Variants in CPEB1 observed in about 807,000 individuals in gnomAD.
CPEB1 encodes the protein cytoplasmic polyadenylation element binding protein 1.
Under a neutral mutation model 65.8 loss-of-function variants are expected in CPEB1, and 7 were observed. The observed-to-expected ratio is 0.11, with a 90% CI of 0.06 to 0.20. CPEB1 has a LOEUF of 0.20. CPEB1 is among the 10% of genes least tolerant of loss of function. CPEB1 has a pLI of 1.00. For synonymous variants in CPEB1, 262 were observed against 260.0 expected, an observed-to-expected ratio of 1.01 and a Z score of -0.08; for missense variants, 551 against 712.2, an observed-to-expected ratio of 0.77 and a Z score of 2.58.
At chr15:82,572,817 A>T (rs967179215) in intron 3 of CPEB1, among the ~76,000 whole-genome samples, 1 of 152,150 alleles carries the variant, frequency 6.6e-6, no homozygotes, top group African/African-American at 2.4e-5. Context: ...CACAAGACCA[A>T]TGCTTATTTC....
In CPEB1 at chr15:82,624,924, A is replaced by C. The variant is rs972532459; in HGVS notation, c.271+2269T>G. 4.2e-4 allele frequency among the ~76,000 whole-genome samples: 64 copies of C among 151,580 alleles called. 2 individuals carry two copies. The highest frequency in any genetic ancestry group is 3.8e-3 in the Admixed American group (57 of 15,196). ...ACAACCACAGTTCACCGCAGTCTCG[A>C]CCTCCCAGGCTCAAGTGATCCTCCC... On this transcript the variant is annotated intron_variant, in intron 3 of 12. Transcript: ENST00000684509.
intron 11 of CPEB1, among the ~76,000 whole-genome samples, 177 bp downstream of exon 11, chr15:82,546,966 G>A (rs750879154): frequency 6.6e-6 from 1 of 152,140 alleles, no homozygotes; most frequent in Non-Finnish European, 1.5e-5. Flanking sequence ...CCTCCTGGGC[G>A]TACAAAGACC....
chr15:82,618,972 T>A (rs1274877376), intron 3 of CPEB1, among the ~76,000 whole-genome samples: 1 of 152,168 alleles, frequency 6.6e-6, no homozygotes, highest in East Asian at 1.9e-4. Flanking sequence ...ATGAGCTGAA[T>A]CTATAATTTA....
At chr15:82,565,374 T>G (rs896003004) in intron 4 of CPEB1, among the ~76,000 whole-genome samples, 1 of 152,210 alleles carries the variant, frequency 6.6e-6, no homozygotes, top group Non-Finnish European at 1.5e-5. Flanking sequence ...TCCCAGCTCA[T>G]GAGACCATAC....
intron 3 of CPEB1, among the ~76,000 whole-genome samples, chr15:82,594,898 G>A (rs1438572120): frequency 3.3e-5 from 5 of 152,296 alleles, no homozygotes; most frequent in Admixed American, 6.5e-5. Context: ...GCCGACTGGT[G>A]GAGCAGTCAC....
chr15:82,648,022 C>G (rs2047726418), upstream of CPEB1: 5 of 539,102 alleles, frequency 9.3e-6, no homozygotes, highest in Non-Finnish European at 1.4e-5. Flanking sequence ...TCCTCGGAGC[C>G]GCCCCCCGGC....
rs1465407317 is a variant in CPEB1 at position 82,543,734 on chromosome 15, CT to C, written c.*857del. On this transcript the variant is annotated 3_prime_UTR_variant, in exon 13 of 13. Coordinates refer to ENST00000684509, the MANE Select transcript of CPEB1 (RefSeq NM_001365242.1). ...ACCCCACCCCCCCACATAAGTGCAACTTAAGGAGGTGCAATAAACCATTTAA... is the reference window on the plus strand; with the variant it reads ...ACCCCACCCCCCCACATAAGTGCAACTAAGGAGGTGCAATAAACCATTTAA... 5 of 152,078 alleles carry C rather than the reference CT, an allele frequency of 3.3e-5. No individual in the cohort carries two copies. The highest frequency in any genetic ancestry group is 7.3e-5 in the African/African-American group (3 of 41,332). The allele number at this position is 152,078 out of a possible 1,614,324, so 9.4% of individuals were successfully genotyped here. A position where few individuals can be genotyped will look rare whatever the true frequency, so the allele number is the denominator to read the frequency against.
intron 3 of CPEB1, among the ~76,000 whole-genome samples, chr15:82,600,338 AG>A (rs2042996551): frequency 1.3e-5 from 2 of 152,246 alleles, no homozygotes; most frequent in Non-Finnish European, 2.9e-5. Context: ...GAGATTTTCA[AG>A]GAAGATAAAG....
rs1023666615 is a variant in CPEB1, at chr15:82,599,312, G to A, written c.272-27780C>T. 3.3e-5 allele frequency among the ~76,000 whole-genome samples: 5 copies of A among 152,020 alleles called. No individual in the cohort carries two copies. In the South Asian group the frequency reaches 6.2e-4, roughly 19 times the overall value. ...ACTAATCTTTACAGCAACCCTTCAC[G>A]ATAGGTACTAGTACTAGAGGATAAT... On this transcript the variant is annotated intron_variant, in intron 3 of 12. Coordinates refer to ENST00000684509, the MANE Select transcript of CPEB1 (RefSeq NM_001365242.1).
chr15:82,627,313 G>C lies in CPEB1; in HGVS notation c.151C>G (p.Leu51Val). The C allele has an allele frequency of 6.2e-7, 1 of 1,613,526 alleles. No homozygotes were observed. ...DCWDNQEAPA[L>V]STCSNANIFR... ...ATATTGGCATTACTACACGTGGAGA[G>C]AGCAGGTGCTTCCTGGTTGTCCCAG... The change falls in exon 3 of 13, where the codon CTC (leucine) becomes GTC (valine). Residue 51 changes from leucine (L) to valine (V), a missense_variant. This residue lies in a region of CPEB1 where 223 missense variants were observed against 228.6 expected (regional missense o/e 0.98). Transcript: ENST00000684509.
At chr15:82,629,695 C>CG in intron 1 of CPEB1, 1 of 985,208 alleles carries the variant, frequency 1.0e-6, no homozygotes, top group Non-Finnish European at 1.2e-6. Context: ...AATTATCTTG[C>CG]GGAAAACAAA....
intron 3 of CPEB1, among the ~76,000 whole-genome samples, chr15:82,600,069 T>A (rs1331628804): frequency 6.6e-6 from 1 of 152,012 alleles, no homozygotes; most frequent in Admixed American, 6.6e-5. Flanking sequence ...AAGATACCAG[T>A]CTATACATAC....
chr15:82,560,503 C>A (rs1483061142), intron 4 of CPEB1, among the ~76,000 whole-genome samples: 3 of 151,522 alleles, frequency 2.0e-5, no homozygotes, highest in East Asian at 1.9e-4. Flanking sequence ...GATCTTCCCA[C>A]CTCAGCCTCT....
Position 82,544,676 on chromosome 15 carries a change from G to T in CPEB1, c.1683C>A (p.Ser561Arg). Residue 561 changes from serine (S) to arginine (R), a missense_variant, in exon 13 of 13, where the codon AGC becomes AGA. Transcript: ENST00000684509. ...DQVCFKYFCRSCWHWRHSMEG... is the reference protein window; with the variant it reads ...DQVCFKYFCRRCWHWRHSMEG... ...CCATGCTGTGCCGCCAGTGCCAGCA[G>T]CTCCGGCAGAAGTATTTGAAGCAGA... The T allele has an allele frequency of 6.2e-7, 1 of 1,613,470 alleles. No homozygotes were observed. The highest frequency in any genetic ancestry group is 8.5e-7 in the Non-Finnish European group (1 of 1,179,786).
rs745725853 is a variant in CPEB1, at chr15:82,552,462, G to GACATC, written c.1281+13_1281+17dup. On this transcript the variant is annotated intron_variant, in intron 9 of 12. Transcript: ENST00000684509. The stretch of plus-strand genomic sequence containing the variant: ...ATTCCAAGACCCTCGATCCAGAAAG[G>GACATC]ACATCACGCTAACTCACCTCCTTGC... 16 of 1,537,188 alleles carry GACATC rather than the reference G, an allele frequency of 1.0e-5. No homozygotes were observed. Among genetic ancestry groups the GACATC allele is most frequent in the Non-Finnish European group, 1.4e-5 (16 of 1,147,652 alleles).
chr15:82,598,188 C>A (rs932637690), intron 3 of CPEB1, among the ~76,000 whole-genome samples: 1 of 152,228 alleles, frequency 6.6e-6, no homozygotes, highest in African/African-American at 2.4e-5. Context: ...AAACAAATGT[C>A]ATTTAGGCTA....
intron 1 of CPEB1, among the ~76,000 whole-genome samples, chr15:82,633,468 G>A (rs1051618660): frequency 4.6e-5 from 7 of 152,214 alleles, no homozygotes; most frequent in Admixed American, 2.0e-4. Flanking sequence ...TGCCTCCCGG[G>A]TTCAAGTGAT....
intron 8 of CPEB1, 147 bp from the exon 9 acceptor site, chr15:82,552,763 T>C: frequency 1.2e-6 from 1 of 851,854 alleles, no homozygotes; most frequent in Non-Finnish European, 1.8e-6. Context: ...TCGTGTTGAG[T>C]GGAAGCATTT....
intron 3 of CPEB1, among the ~76,000 whole-genome samples, chr15:82,597,321 G>A (rs1038351527): frequency 3.3e-5 from 5 of 152,136 alleles, no homozygotes; most frequent in African/African-American, 1.2e-4. Flanking sequence ...AGAGACTGAT[G>A]GGGTTTAGGA....
Sources: gnomAD v4.1 joint callset for allele counts (sites outside exome capture counted in the v4.1 genomes callset) on GRCh38, gnomAD v4.1.1 for gene constraint, gnomAD v4.1.1 regional missense constraint, MANE v1.5 for transcripts, NCBI Gene and HGNC (gene_info 2026-07-23, HGNC 2026-07-21) for gene names.